COL4A4: variants seen among roughly 807,000 people sequenced by gnomAD.
COL4A4 encodes collagen alpha-4(IV) chain.
A neutral mutation model predicts 192.9 loss-of-function variants in COL4A4; 105 were observed. The observed-to-expected ratio is 0.54, with a 90% CI of 0.46 to 0.64. COL4A4 has a LOEUF of 0.64. Ranked by LOEUF, COL4A4 falls within the 30% of genes least tolerant of loss-of-function variation. COL4A4 has a pLI of 0.00. For synonymous variants in COL4A4, 762 were observed against 769.9 expected, an observed-to-expected ratio of 0.99 and a Z score of 0.17; for missense variants, 1,967 against 2,169.3, an observed-to-expected ratio of 0.91 and a Z score of 1.85.
Position 227,132,982 on chromosome 2 carries a change from GCTTT to G in COL4A4, c.192+7175_192+7178del, listed in dbSNP as rs558680901. Among the ~76,000 whole-genome samples the G allele has an allele frequency of 8.5e-4, 129 of 152,162 alleles. 1 individual carries two copies. The highest frequency in any genetic ancestry group is 1.5e-3 in the Non-Finnish European group (100 of 68,024). ...CTAAAGAGGTATTCTTATACTAAGT[GCTTT>G]CTATTTTCCTATATAGTAGATTATT... is the stretch of plus-strand genomic sequence containing the variant. On this transcript the variant is annotated intron_variant, in intron 4 of 47. Coordinates refer to ENST00000396625, the MANE Select transcript of COL4A4 (RefSeq NM_000092.5).
At chr2:227,132,578 C>A (rs1325625752) in intron 4 of COL4A4, among the ~76,000 whole-genome samples, 1 of 152,148 alleles carries the variant, frequency 6.6e-6, no homozygotes, top group South Asian at 2.1e-4. Flanking sequence ...GAATTCAAGA[C>A]CAGCCTAGTC....
intron 26 of COL4A4, among the ~76,000 whole-genome samples, chr2:227,061,847 T>C (rs1681522833): frequency 6.6e-6 from 1 of 152,350 alleles, no homozygotes; most frequent in Admixed American, 6.5e-5. Context: ...CAAATGTTTC[T>C]GATCAAATGT....
intron 13 of COL4A4, among the ~76,000 whole-genome samples, chr2:227,103,480 A>G (rs1576524983): frequency 6.6e-6 from 1 of 152,238 alleles, no homozygotes; most frequent in East Asian, 1.9e-4. Context: ...TTTTGAGCAA[A>G]GTAAAGAAAT....
rs528579548 is a variant in COL4A4, at chr2:227,031,866, C to T, written c.3817+79G>A. 4 of 1,060,146 alleles carry T rather than the reference C, an allele frequency of 3.8e-6. No homozygotes were observed. In the East Asian group the frequency reaches 9.9e-5, roughly 26 times the overall value. The allele number at this position is 1,060,146 out of a possible 1,614,324, so 65.7% of individuals were successfully genotyped here. ...GCTTCAGTGCTTCTATTCTGCCACT[C>T]TCTGGTCCCACATTCCTCCAGAGCT... is the stretch of plus-strand genomic sequence containing the variant. On this transcript the variant is annotated intron_variant, in intron 40 of 47. Coordinates refer to ENST00000396625, the MANE Select transcript of COL4A4 (RefSeq NM_000092.5).
intron 9 of COL4A4, 120 bp downstream of exon 9, chr2:227,111,558 T>C (rs2061209689): frequency 1.8e-6 from 2 of 1,085,482 alleles, no homozygotes; most frequent in Non-Finnish European, 2.8e-6. Flanking sequence ...GGAACCCACA[T>C]TTTCATTTTG....
At chr2:227,115,445 G>A (rs1039126001) in intron 7 of COL4A4, among the ~76,000 whole-genome samples, 2 of 150,554 alleles carry the variant, frequency 1.3e-5, no homozygotes, top group African/African-American at 2.5e-5. Context: ...TAATTTTTTT[G>A]TATTTTTTAG....
At chr2:227,080,853 A>G (rs574771628) in intron 23 of COL4A4, among the ~76,000 whole-genome samples, 1 of 152,302 alleles carries the variant, frequency 6.6e-6, no homozygotes, top group South Asian at 2.1e-4. Flanking sequence ...ATCCCTGGCC[A>G]TGGGAAAGGG....
chr2:227,060,101 G>GAACAAAAAAAAAAA, intron 27 of COL4A4, 35 bp downstream of exon 27: 1 of 503,758 alleles, frequency 2.0e-6, no homozygotes, highest in African/African-American at 4.0e-5. Context: ...TCCCAAAGCA[G>GAACAAAAAAAAAAA]AAAAAAAAAA....
chr2:227,121,688 T>C (rs2061805538), intron 4 of COL4A4, among the ~76,000 whole-genome samples: 1 of 152,202 alleles, frequency 6.6e-6, no homozygotes, highest in Non-Finnish European at 1.5e-5. Flanking sequence ...CATTGCCCTT[T>C]TTAATCTGAA....
rs778726024 is a variant in COL4A4 at position 227,056,027 on chromosome 2, A to G, written c.2634T>C (p.Pro878=). The change falls in exon 30 of 48, where the codon CCT becomes CCC. Residue 878 remains proline (P), a synonymous_variant. Transcript: ENST00000396625. ...GGAGGCCTGGGGGACCATGTGCCCC[A>G]GGCCGTCCTGGGAGTCCGGGGAGGC... The part of the protein sequence containing the change: ...MKGLPGLPGR[P]GAHGPPGLPG... 5.0e-6 allele frequency: 8 copies of G among 1,613,862 alleles called. 1 individual carries two copies. In the East Asian group the frequency reaches 1.8e-4, roughly 36 times the overall value.
chr2:227,041,856 A>AAGAAAGAAAGAAAG (rs1971365605), intron 37 of COL4A4, among the ~76,000 whole-genome samples: 1 of 96,976 alleles, frequency 1.0e-5, no homozygotes, highest in African/African-American at 4.8e-5. Flanking sequence ...AAGAGAAAGA[A>AAGAAAGAAAGAAAG]AGAAAGAAAG....
chr2:226,986,782 A>C, the COL4A4 span, among the ~76,000 whole-genome samples: 1 of 152,244 alleles, frequency 6.6e-6, no homozygotes, highest in Non-Finnish European at 1.5e-5. Context: ...CGATTCCTCA[A>C]GGATCTAGAA....
intron 35 of COL4A4, among the ~76,000 whole-genome samples, chr2:227,046,082 G>GAT (rs1422419737): frequency 0.059 from 3,616 of 61,670 alleles, 183 homozygotes; most frequent in African/African-American, 0.19. Flanking sequence ...TATATATTTA[G>GAT]ATATATATGT....
intron 9 of COL4A4, among the ~76,000 whole-genome samples, chr2:227,110,587 T>C (rs1487778530): frequency 6.6e-6 from 1 of 151,820 alleles, no homozygotes; most frequent in African/African-American, 2.4e-5. Flanking sequence ...TTCACCATCT[T>C]GGCTAGGCTG....
intron 32 of COL4A4, 25 bp from the exon 33 acceptor site, chr2:227,051,183 G>A (rs1466572060): frequency 6.2e-7 from 1 of 1,613,354 alleles, no homozygotes; most frequent in African/African-American, 1.3e-5. Flanking sequence ...AGTGTTACAG[G>A]TCTCTGCTGA....
In COL4A4 at chr2:227,007,531, G is replaced by T. The variant is rs745928196; in HGVS notation, c.4867C>A (p.Leu1623Met). 18 of 1,613,576 alleles carry T rather than the reference G, an allele frequency of 1.1e-5. 1 individual carries two copies. In the South Asian group the frequency reaches 1.6e-4, roughly 15 times the overall value. The change falls in exon 48 of 48, where the codon CTG becomes ATG. Residue 1623 changes from leucine (L) to methionine (M), a missense_variant. Coordinates refer to ENST00000396625, the MANE Select transcript of COL4A4 (RefSeq NM_000092.5). ...AATGGTGCTGCTCTGAAATCTTCCA[G>T]GCAGCTGCCAGGTGACATAAGGGCC... ...GQALMSPGSC[L>M]EDFRAAPFLE...
chr2:227,043,150 A>T lies in COL4A4; in HGVS notation c.3324T>A (p.Pro1108=), dbSNP rs1252472729. The change falls in exon 36 of 48, where the codon CCT becomes CCA. Residue 1108 remains proline (P), a synonymous_variant. Coordinates refer to ENST00000396625, the MANE Select transcript of COL4A4 (RefSeq NM_000092.5). ...GTGATCCTCTGGGCCCTTGAATACC[A>T]GGCAAGCCCTGCTCTCCGGATGCTC... The part of the protein sequence containing the change: ...HFGASGEQGL[P]GIQGPRGSPG... The T allele has an allele frequency of 1.2e-6, 2 of 1,614,016 alleles. No individual in the cohort carries two copies. The highest frequency in any genetic ancestry group is 3.3e-5 in the Admixed American group (2 of 60,002).
chr2:227,118,689 C>G lies in COL4A4; in HGVS notation c.445G>C (p.Gly149Arg). Reference sequence around the variant, plus strand: ...AGAGCTCCTCTTCCTCCTGGAAACCCTGGGTCACCTCTTGAGCCATTGTGG... The same window carrying G: ...AGAGCTCCTCTTCCTCCTGGAAACCGTGGGTCACCTCTTGAGCCATTGTGG... ...SGHNGSRGDP[G>R]FPGGRGALGP... is the part of the protein sequence containing the mutation. The change falls in exon 7 of 48, where the codon GGG (glycine) becomes CGG (arginine). Residue 149 changes from glycine (G) to arginine (R), a missense_variant. Transcript: ENST00000396625. The G allele has an allele frequency of 6.2e-7, 1 of 1,614,136 alleles. No homozygotes were observed. Among genetic ancestry groups the G allele is most frequent in the Non-Finnish European group, 8.5e-7 (1 of 1,180,012 alleles).
chr2:227,000,167 C>CGTTA (rs1216589242), downstream of COL4A4, among the ~76,000 whole-genome samples: 4 of 152,114 alleles, frequency 2.6e-5, no homozygotes, highest in African/African-American at 7.2e-5. Flanking sequence ...TTCAGACTCT[C>CGTTA]GTTATAGAGG....
Sources: allele counts gnomAD v4.1 joint callset (sites outside exome capture counted in the v4.1 genomes callset), GRCh38; gene constraint gnomAD v4.1.1; transcripts MANE v1.5; gene names NCBI Gene and HGNC (gene_info 2026-07-23, HGNC 2026-07-21).